EDA: variants seen among roughly 807,000 people sequenced by gnomAD.
The protein encoded by EDA is ectodysplasin-A.
Under a neutral mutation model 23.6 loss-of-function variants are expected in EDA, and 2 were observed. That is an observed-to-expected ratio of 0.08 (90% CI 0.03 to 0.27). The LOEUF is 0.27. EDA is among the 10% of genes least tolerant of loss of function. EDA has a pLI of 1.00. For synonymous variants in EDA, 131 were observed against 132.0 expected (o/e 0.99, Z 0.05); for missense variants, 229 against 324.2 (o/e 0.71, Z 2.26).
intron 2 of EDA, among the ~76,000 whole-genome samples, chrX:69,981,033 G>C (rs758428861): frequency 1.2e-4 from 13 of 111,670 alleles, no homozygotes; most frequent in African/African-American, 3.9e-4. Flanking sequence ...CATTCCACTG[G>C]GGTTGTGGGG....
intron 1 of EDA, among the ~76,000 whole-genome samples, chrX:69,800,034 A>G (rs777056707): frequency 2.7e-5 from 3 of 112,017 alleles, no homozygotes; most frequent in African/African-American, 6.5e-5. Flanking sequence ...CTATTTGGCC[A>G]TAGAAAATAA....
At chrX:69,834,969 A>G (rs1033901998) in intron 1 of EDA, among the ~76,000 whole-genome samples, 2 of 83,454 alleles carry the variant, frequency 2.4e-5, no homozygotes, top group Admixed American at 1.2e-4. Flanking sequence ...TCCTTCACTT[A>G]TGAAGCTTAG....
intron 1 of EDA, among the ~76,000 whole-genome samples, chrX:69,762,493 T>C (rs1270702767): frequency 8.9e-6 from 1 of 111,956 alleles, no homozygotes; most frequent in Non-Finnish European, 1.9e-5. Context: ...AACTCCTCAG[T>C]GTGAAATCTG....
At chrX:69,819,314 A>G (rs1009807491) in intron 1 of EDA, among the ~76,000 whole-genome samples, 3 of 112,037 alleles carry the variant, frequency 2.7e-5, no homozygotes, top group Non-Finnish European at 5.6e-5. Flanking sequence ...AGCACAAGAC[A>G]AGGATCCCAT....
chrX:69,759,909 C>T (rs1305494776), intron 1 of EDA, among the ~76,000 whole-genome samples: 1 of 109,395 alleles, frequency 9.1e-6, no homozygotes, highest in East Asian at 2.9e-4. Flanking sequence ...CATGGTACAG[C>T]GTGGTGATTT....
chrX:69,817,927 C>T (rs2016118931), intron 1 of EDA, among the ~76,000 whole-genome samples: 1 of 111,998 alleles, frequency 8.9e-6, no homozygotes, highest in Admixed American at 9.5e-5. Context: ...ATACATTCTT[C>T]TCATTGCCAC....
intron 1 of EDA, among the ~76,000 whole-genome samples, chrX:69,688,185 T>C (rs925659131): frequency 6.3e-5 from 7 of 111,493 alleles, no homozygotes; most frequent in African/African-American, 1.6e-4. Flanking sequence ...CAGGACAACA[T>C]ACACCTCACA....
At chrX:69,731,133 T>G (rs779993186) in intron 1 of EDA, among the ~76,000 whole-genome samples, 5 of 111,938 alleles carry the variant, frequency 4.5e-5, no homozygotes, top group Non-Finnish European at 9.4e-5. Context: ...TGCTTATTTT[T>G]ATATAGAGAG....
At chrX:69,997,811 C>T (rs1486057448) in intron 2 of EDA, among the ~76,000 whole-genome samples, 1 of 112,525 alleles carries the variant, frequency 8.9e-6, no homozygotes, top group Non-Finnish European at 1.9e-5. Context: ...TAGGCCATAG[C>T]TTCAGAGGTT....
At chrX:69,878,665 A>T (rs1048708290) in intron 1 of EDA, among the ~76,000 whole-genome samples, 2 of 109,704 alleles carry the variant, frequency 1.8e-5, no homozygotes, top group African/African-American at 6.7e-5. Context: ...TGCAAAGCAA[A>T]CTTGATTATG....
chrX:69,646,597 G>T (rs894732004), intron 1 of EDA, among the ~76,000 whole-genome samples: 11 of 111,937 alleles, frequency 9.8e-5, no homozygotes, highest in Non-Finnish European at 1.9e-4. Context: ...TGGGTCACTT[G>T]AAGACAGCAA....
intron 1 of EDA, among the ~76,000 whole-genome samples, chrX:69,717,893 T>C (rs1374014998): frequency 9.0e-6 from 1 of 111,348 alleles, no homozygotes; most frequent in Non-Finnish European, 1.9e-5. Flanking sequence ...TGGGGGCAGA[T>C]TTCTCTTTTG....
intron 1 of EDA, among the ~76,000 whole-genome samples, chrX:69,677,100 T>C (rs1416071004): frequency 6.0e-5 from 6 of 100,121 alleles, no homozygotes; most frequent in East Asian, 3.3e-4. Context: ...GTTCTTGCGA[T>C]AGTTTACTGA....
At chrX:70,020,523 C>T (rs1369121339) in intron 2 of EDA, among the ~76,000 whole-genome samples, 3 of 107,879 alleles carry the variant, frequency 2.8e-5, no homozygotes, top group Non-Finnish European at 5.8e-5. Context: ...CGCACCACTA[C>T]ACTCCAGCCT....
At chrX:69,712,506 A>G (rs1020300830) in intron 1 of EDA, among the ~76,000 whole-genome samples, 1 of 111,496 alleles carries the variant, frequency 9.0e-6, no homozygotes, top group African/African-American at 3.3e-5. Context: ...CAAAACCACA[A>G]TGAGATACCA....
chrX:70,025,150 C>T (rs1348504378), intron 3 of EDA, among the ~76,000 whole-genome samples: 4 of 110,853 alleles, frequency 3.6e-5, no homozygotes, highest in Non-Finnish European at 7.6e-5. Context: ...TTCTCAAATG[C>T]CTTCTAACAT....
intron 2 of EDA, among the ~76,000 whole-genome samples, chrX:69,990,169 G>A (rs945228528): frequency 9.1e-6 from 1 of 110,226 alleles, no homozygotes; most frequent in African/African-American, 3.3e-5. Flanking sequence ...TTGTTTTAAT[G>A]TTCTCAATCT....
chrX:69,833,208 T>G (rs1414302048), intron 1 of EDA, among the ~76,000 whole-genome samples: 2 of 111,954 alleles, frequency 1.8e-5, no homozygotes, highest in South Asian at 7.4e-4. Context: ...TTTTGAGATA[T>G]GTTCCATCAA....
At chrX:69,946,524 C>T (rs893657876) in intron 1 of EDA, among the ~76,000 whole-genome samples, 2 of 111,923 alleles carry the variant, frequency 1.8e-5, no homozygotes, top group Non-Finnish European at 3.8e-5. Context: ...TCAATGTAAA[C>T]TGAATATCAC....
Sources: gnomAD v4.1 joint callset for allele counts (sites outside exome capture counted in the v4.1 genomes callset) on GRCh38, gnomAD v4.1.1 for gene constraint, MANE v1.5 for transcripts, NCBI Gene and HGNC (gene_info 2026-07-23, HGNC 2026-07-21) for gene names.